Variants in ATP11B observed in about 807,000 individuals in gnomAD.
ATP11B encodes the protein ATPase phospholipid transporting 11B (putative), also known as phospholipid-transporting ATPase IF.
In ATP11B, 81 loss-of-function variants were observed where a neutral mutation model predicts 157.8. The observed-to-expected ratio is 0.51, with a 90% CI of 0.43 to 0.62. The LOEUF is 0.62. ATP11B is among the 20% of genes least tolerant of loss of function. ATP11B has a pLI of 0.00. For missense variants in ATP11B, 1,165 were observed against 1,402.2 expected (o/e 0.83, Z 2.70); for synonymous variants, 451 against 469.4 (o/e 0.96, Z 0.51).
At position 182,836,149 on chromosome 3, in the gene ATP11B, A is replaced by G. The variant is rs199869235; in HGVS notation, c.423+7A>G. The stretch of plus-strand genomic sequence containing the variant: ...TAGATCAAAAAACATTCGGGTATGC[A>G]TCTGGTAAATAATGGAAATCAACTT... On this transcript the variant is annotated splice_region_variant and intron_variant, in intron 5 of 29. Transcript: ENST00000323116. 5 of 1,607,378 alleles carry G rather than the reference A, an allele frequency of 3.1e-6. No homozygotes were observed. The highest frequency in any genetic ancestry group is 1.3e-5 in the African/African-American group (1 of 74,682).
Position 182,865,546 on chromosome 3 carries a change from G to A in ATP11B, c.1291G>A (p.Glu431Lys). The change falls in exon 13 of 30, where the codon GAA (glutamate) becomes AAA (lysine). Residue 431 changes from glutamate to lysine, a missense_variant. Transcript: ENST00000323116. ...ECSINGMKYQEINGRLVPEGP... is the reference protein window; with the variant it reads ...ECSINGMKYQKINGRLVPEGP... Reference sequence around the variant, plus strand: ...TTCAATTAATGGCATGAAATACCAAGAAATTAATGGTAGACTTGTACCCGA... The same window carrying A: ...TTCAATTAATGGCATGAAATACCAAAAAATTAATGGTAGACTTGTACCCGA... 1 of 1,613,802 alleles carries A rather than the reference G, an allele frequency of 6.2e-7. No homozygotes were observed. Among genetic ancestry groups the A allele is most frequent in the African/African-American group, 1.3e-5 (1 of 75,004 alleles).
chr3:182,868,303 T>C (rs778383952), intron 15 of ATP11B, among the ~76,000 whole-genome samples: 4 of 150,128 alleles, frequency 2.7e-5, no homozygotes, highest in Non-Finnish European at 4.4e-5. Flanking sequence ...TCTGATCATA[T>C]GTCAATTCCA....
chr3:182,847,656 G>A (rs747634690), intron 9 of ATP11B, among the ~76,000 whole-genome samples: 7 of 152,122 alleles, frequency 4.6e-5, no homozygotes, highest in Non-Finnish European at 1.0e-4. Flanking sequence ...TACTATTTAG[G>A]GATGGGAATG....
intron 28 of ATP11B, among the ~76,000 whole-genome samples, chr3:182,910,541 C>T (rs765102548): frequency 3.9e-5 from 6 of 152,148 alleles, no homozygotes; most frequent in Non-Finnish European, 7.3e-5. Context: ...TGCCACTGCA[C>T]TCCAGCCTGG....
At chr3:182,866,004 A>T (rs1476663926) in intron 13 of ATP11B, among the ~76,000 whole-genome samples, 1 of 152,172 alleles carries the variant, frequency 6.6e-6, no homozygotes, top group African/African-American at 2.4e-5. Context: ...AATTTATTTA[A>T]TACTTTTTGA....
At chr3:182,908,292 C>T in intron 28 of ATP11B, among the ~76,000 whole-genome samples, 1 of 148,394 alleles carries the variant, frequency 6.7e-6, no homozygotes, top group Non-Finnish European at 1.5e-5. Flanking sequence ...TCAATGCGAC[C>T]TCCACCTCCT....
At position 182,890,104 on chromosome 3, in the gene ATP11B, G is replaced by A. The variant is rs140695970; in HGVS notation, c.2982+556G>A. 3.3e-5 allele frequency among the ~76,000 whole-genome samples: 5 copies of A among 152,302 alleles called. No individual in the cohort carries two copies. In the East Asian group the frequency reaches 9.6e-4, roughly 29 times the overall value. On this transcript the variant is annotated intron_variant, in intron 25 of 29. Coordinates refer to ENST00000323116, the MANE Select transcript of ATP11B (RefSeq NM_014616.3). ...TGTTTAATTTGGCCACTTTTCCGAA[G>A]CATGAAATTAGGAAAGAGTGCATTT...
At chr3:182,898,548 T>C in intron 27 of ATP11B, 59 bp from the exon 28 acceptor site, 1 of 1,400,042 alleles carries the variant, frequency 7.1e-7, no homozygotes, top group Non-Finnish European at 9.6e-7. Context: ...CTTTATATGA[T>C]GTCCTGATTT....
In ATP11B at chr3:182,889,545, C is replaced by T; in HGVS notation, c.2979C>T (p.Gly993=). 1 of 1,545,614 alleles carries T rather than the reference C, an allele frequency of 6.5e-7. No individual in the cohort carries two copies. The highest frequency in any genetic ancestry group is 2.5e-5 in the East Asian group (1 of 40,534). ...AAGATACATCTCTGCTTGGAAATGG[C>T]CAGGTAAAGTATATAGTTTTTTTAA... ...IGKDTSLLGN[G]QMFGNWTFGT... The change falls in exon 25 of 30, where the codon GGC becomes GGT. Residue 993 remains glycine (G), a synonymous_variant. Coordinates refer to ENST00000323116, the MANE Select transcript of ATP11B (RefSeq NM_014616.3).
intron 12 of ATP11B, among the ~76,000 whole-genome samples, chr3:182,861,065 CT>C (rs35183352): frequency 0.028 from 3,897 of 137,376 alleles, 68 homozygotes; most frequent in African/African-American, 0.055. Flanking sequence ...AACAATAATA[CT>C]TTTTTTTTTT....
chr3:182,921,197 G>A lies in ATP11B; in HGVS notation c.*3093G>A, dbSNP rs1725461109. On this transcript the variant is annotated 3_prime_UTR_variant, in exon 30 of 30. Transcript: ENST00000323116. The stretch of plus-strand genomic sequence containing the variant: ...TTTTTCCTGTAAAGATCAGTTTGGG[G>A]TATGATATAAGCAGGTATTAATAAA... The A allele has an allele frequency of 6.6e-6, 1 of 152,168 alleles. No individual in the cohort carries two copies. Among genetic ancestry groups the A allele is most frequent in the South Asian group, 2.1e-4 (1 of 4,828 alleles). The allele number at this position is 152,168 out of a possible 1,614,324, so 9.4% of individuals were successfully genotyped here.
chr3:182,811,055 A>T (rs1006597056), intron 1 of ATP11B, among the ~76,000 whole-genome samples: 2 of 146,068 alleles, frequency 1.4e-5, no homozygotes, highest in Non-Finnish European at 3.1e-5. Flanking sequence ...CTATTTCAGT[A>T]TGTAAACAAT....
At chr3:182,811,697 G>A (rs1038555740) in intron 1 of ATP11B, among the ~76,000 whole-genome samples, 4 of 152,180 alleles carry the variant, frequency 2.6e-5, no homozygotes, top group Non-Finnish European at 4.4e-5. Flanking sequence ...ATGATTATTC[G>A]GGAACATTAT....
At chr3:182,897,224 T>C in intron 26 of ATP11B, 79 bp from the exon 27 acceptor site, 2 of 769,398 alleles carry the variant, frequency 2.6e-6, no homozygotes, top group Admixed American at 5.6e-5. Context: ...TACTTATGTT[T>C]ATTCTTGAGT....
intron 23 of ATP11B, among the ~76,000 whole-genome samples, chr3:182,886,447 T>C (rs115143136): frequency 2.0e-4 from 31 of 152,238 alleles, no homozygotes; most frequent in African/African-American, 7.2e-4. Context: ...AGAAGCTACC[T>C]TTAAATAATT....
At chr3:182,854,069 T>G (rs1311377147) in intron 10 of ATP11B, among the ~76,000 whole-genome samples, 4 of 152,166 alleles carry the variant, frequency 2.6e-5, no homozygotes, top group Admixed American at 6.5e-5. Context: ...ATGCAGCAAT[T>G]GGATATTCAA....
intron 8 of ATP11B, chr3:182,844,005 G>A (rs920034581): frequency 1.4e-4 from 22 of 152,164 alleles, no homozygotes; most frequent in Admixed American, 1.0e-3. Context: ...AGTGAGAAAT[G>A]TGTGGATACA....
At chr3:182,855,923 T>C (rs1466465799) in intron 10 of ATP11B, among the ~76,000 whole-genome samples, 2 of 83,550 alleles carry the variant, frequency 2.4e-5, no homozygotes, top group East Asian at 4.8e-4. Flanking sequence ...ATCTCTTATA[T>C]GTTGTTGGTG....
At chr3:182,863,688 G>T (rs933422446) in intron 12 of ATP11B, among the ~76,000 whole-genome samples, 5 of 151,760 alleles carry the variant, frequency 3.3e-5, no homozygotes, top group African/African-American at 1.2e-4. Context: ...AAAGTTAAAA[G>T]ATTAAACTTC....
Sources: allele counts gnomAD v4.1 joint callset (sites outside exome capture counted in the v4.1 genomes callset), GRCh38; gene constraint gnomAD v4.1.1; transcripts MANE v1.5; gene names NCBI Gene and HGNC (gene_info 2026-07-23, HGNC 2026-07-21).